The following MYT1 variants were observed in gnomAD, a reference collection of about 807,000 sequenced individuals.
MYT1 encodes the protein myelin transcription factor 1, also known as myelin transcription factor I.
MYT1 carries 23 observed loss-of-function variants against 123.0 expected under a neutral mutation model. The ratio of observed to expected loss-of-function variants is 0.19; its 90% confidence interval spans 0.13 to 0.26. MYT1 has a LOEUF of 0.26. Among genes scored for constraint, MYT1 ranks in the 10% least tolerant of loss-of-function variants. The probability of loss-of-function intolerance (pLI) is 1.00; values close to 1 mark genes in which losing one functional copy is unlikely to be tolerated. For synonymous variants in MYT1, 518 were observed against 575.3 expected (o/e 0.90, Z 1.43); for missense variants, 1,125 against 1,472.5 (o/e 0.76, Z 3.86).
rs544690853 is a variant in MYT1 at position 64,217,302 on chromosome 20, C to G, written c.1846+21C>G. On this transcript the variant is annotated intron_variant, in intron 11 of 22. Transcript: ENST00000328439. Reference sequence around the variant, plus strand: ...TCAATGTAAGTTGGGGAGAATTGTTCTTGTTTCTCTTCTGTGTTGCTCCTG... The same window carrying G: ...TCAATGTAAGTTGGGGAGAATTGTTGTTGTTTCTCTTCTGTGTTGCTCCTG... 7.4e-6 allele frequency: 12 copies of G among 1,612,314 alleles called. No homozygotes were observed. In the East Asian group the frequency reaches 2.7e-4, roughly 36 times the overall value.
chr20:64,207,546 T>C (rs762650002), intron 6 of MYT1, 48 bp from the exon 7 acceptor site: 1 of 1,572,986 alleles, frequency 6.4e-7, no homozygotes, highest in South Asian at 1.2e-5. Flanking sequence ...AGACCTGGAG[T>C]CTTCCCACGT....
chr20:64,180,057 TAC>T (rs67948728), intron 1 of MYT1, among the ~76,000 whole-genome samples: 2 of 150,756 alleles, frequency 1.3e-5, no homozygotes, highest in Admixed American at 6.6e-5. Flanking sequence ...CACACACAGT[TAC>T]ACACCACACG....
At position 64,208,623 on chromosome 20, in the gene MYT1, G is replaced by C; in HGVS notation, c.1291+136G>C. The stretch of plus-strand genomic sequence containing the variant: ...AAAGCAGACAAAAGGACAAATACAT[G>C]ACACAGACTGTGGTCAGATACTGAG... On this transcript the variant is annotated intron_variant, in intron 7 of 22. Transcript: ENST00000328439. The surrounding 1 kb of genome is among the most constrained non-coding windows in gnomAD (Gnocchi z 5.4). 1 of 1,388,084 alleles carries C rather than the reference G, an allele frequency of 7.2e-7. No homozygotes were observed. Among genetic ancestry groups the C allele is most frequent in the Non-Finnish European group, 9.5e-7 (1 of 1,052,518 alleles). The allele number at this position is 1,388,084 out of a possible 1,614,324, so 86.0% of individuals were successfully genotyped here. A position where few individuals can be genotyped will look rare whatever the true frequency, so the allele number is the denominator to read the frequency against.
chr20:64,171,339 G>T (rs1399677753), intron 1 of MYT1, among the ~76,000 whole-genome samples: 1 of 152,128 alleles, frequency 6.6e-6, no homozygotes, highest in Non-Finnish European at 1.5e-5. Flanking sequence ...GAAAACAAAG[G>T]GATTTGTTAC....
chr20:64,207,512 G>T, intron 6 of MYT1, 82 bp from the exon 7 acceptor site: 6 of 1,544,234 alleles, frequency 3.9e-6, no homozygotes, highest in Middle Eastern at 1.8e-4. Context: ...CAGGTGGAGG[G>T]GTGGTGGGTG....
rs527317085 is a variant in MYT1 at position 64,206,306 on chromosome 20, G to C, written c.397+506G>C. On this transcript the variant is annotated intron_variant, in intron 6 of 22. Coordinates refer to ENST00000328439, the MANE Select transcript of MYT1 (RefSeq NM_004535.3). ...GCTTCAGGTGATTGAGGACCAGATG[G>C]AGCCTCTGAAGACGGGGTGCCCGGG... is the stretch of plus-strand genomic sequence containing the variant. Among the ~76,000 whole-genome samples, 5 of 152,302 alleles carry C rather than the reference G, an allele frequency of 3.3e-5. No individual in the cohort carries two copies. In the East Asian group the frequency reaches 9.6e-4, roughly 29 times the overall value.
At chr20:64,205,904 C>G (rs1488903403) in intron 6 of MYT1, 104 bp downstream of exon 6, 1 of 1,516,290 alleles carries the variant, frequency 6.6e-7, no homozygotes, top group South Asian at 1.3e-5. Context: ...AGAGAAAGCC[C>G]TTCCTGAGAA....
chr20:64,226,442 G>T (rs546791584), intron 16 of MYT1, among the ~76,000 whole-genome samples: 3 of 152,356 alleles, frequency 2.0e-5, no homozygotes, highest in African/African-American at 7.2e-5. Context: ...CATGGAAAGT[G>T]AGACGTCCTC....
chr20:64,213,801 C>T lies in MYT1; in HGVS notation c.1631+154C>T, dbSNP rs1403226335. Reference sequence around the variant, plus strand: ...TACGTGCATGTGAGTGTGCACATGCCCCGGGCCCCCCAGGAGCAGAACTGC... The same window carrying T: ...TACGTGCATGTGAGTGTGCACATGCTCCGGGCCCCCCAGGAGCAGAACTGC... On this transcript the variant is annotated intron_variant, in intron 10 of 22. Coordinates refer to ENST00000328439, the MANE Select transcript of MYT1 (RefSeq NM_004535.3). The surrounding 1 kb of genome is among the most constrained non-coding windows in gnomAD (Gnocchi z 5.6). Among the ~76,000 whole-genome samples, 3 of 151,840 alleles carry T rather than the reference C, an allele frequency of 2.0e-5. No homozygotes were observed. The highest frequency in any genetic ancestry group is 7.2e-5 in the African/African-American group (3 of 41,408).
Position 64,232,283 on chromosome 20 carries a change from C to T in MYT1, c.2795C>T (p.Ser932Leu), listed in dbSNP as rs367957600. ...CAGAAGGAAGGGTCCCTCAATGGCT[C>T]GTCATTCTCCTGGAAGTCCCTGAAG... The part of the protein sequence containing the change: ...RRQKEGSLNG[S>L]SFSWKSLKNE... The change falls in exon 19 of 23, where the codon TCG (serine) becomes TTG (leucine). Residue 932 changes from serine to leucine, a missense_variant. This residue lies in a region of MYT1 where 243 missense variants were observed against 323.1 expected (regional missense o/e 0.75). Transcript: ENST00000328439. The surrounding 1 kb of genome is among the most constrained non-coding windows in gnomAD (Gnocchi z 6.9). The T allele has an allele frequency of 1.1e-5, 17 of 1,612,980 alleles. No individual in the cohort carries two copies. Among genetic ancestry groups the T allele is most frequent in the Middle Eastern group, 3.3e-4 (2 of 6,084 alleles).
rs1453707634 is a variant in MYT1, at chr20:64,191,198, G to A, written c.-1+1038G>A. Reference sequence around the variant, plus strand: ...AAGTCTGTTGGCCTTGTTTTATTTCGATCTTCCTAAGGGGAGGCAGATGGT... The same window carrying A: ...AAGTCTGTTGGCCTTGTTTTATTTCAATCTTCCTAAGGGGAGGCAGATGGT... On this transcript the variant is annotated intron_variant, in intron 2 of 22. Transcript: ENST00000328439. This position sits in a 1 kb window ranked among gnomAD's most constrained non-coding sequence, Gnocchi z 4.1. Among the ~76,000 whole-genome samples the A allele has an allele frequency of 2.0e-5, 3 of 152,124 alleles. No individual in the cohort carries two copies. The highest frequency in any genetic ancestry group is 2.9e-5 in the Non-Finnish European group (2 of 68,020).
chr20:64,178,089 C>A (rs1235384574), intron 1 of MYT1, among the ~76,000 whole-genome samples: 1 of 152,206 alleles, frequency 6.6e-6, no homozygotes, highest in Non-Finnish European at 1.5e-5. Flanking sequence ...CCTCCTTGGT[C>A]CCAGCTTCTC....
At chr20:64,235,955 T>TGGTGGGTGACCCTGGGATGGCCGC (rs1188319481) in intron 19 of MYT1, among the ~76,000 whole-genome samples, 1 of 114,368 alleles carries the variant, frequency 8.7e-6, no homozygotes, top group Non-Finnish European at 1.8e-5. Context: ...GGGCTGGACG[T>TGGTGGGTGACCCTGGGATGGCCGC]GGTGGGTGAC....
intron 16 of MYT1, among the ~76,000 whole-genome samples, chr20:64,224,203 C>G (rs1984098995): frequency 6.6e-6 from 1 of 152,212 alleles, no homozygotes; most frequent in Non-Finnish European, 1.5e-5. Context: ...CCATTCTTGT[C>G]TCCTCAGGTC....
chr20:64,221,310 G>A (rs557688584), intron 13 of MYT1, among the ~76,000 whole-genome samples: 1 of 152,130 alleles, frequency 6.6e-6, no homozygotes, highest in African/African-American at 2.4e-5. Flanking sequence ...GAGGGACTAC[G>A]CCCTGCTTAT....
At chr20:64,173,440 T>A (rs1982349631) in intron 1 of MYT1, among the ~76,000 whole-genome samples, 1 of 150,896 alleles carries the variant, frequency 6.6e-6, no homozygotes, top group South Asian at 2.1e-4. Flanking sequence ...CCAGTGCCTG[T>A]AGTTGTGTCC....
rs575323647 is a variant in MYT1 at position 64,193,240 on chromosome 20, C to T, written c.-1+3080C>T. 6.6e-6 allele frequency among the ~76,000 whole-genome samples: 1 copy of T among 152,116 alleles called. No homozygotes were observed. The highest frequency in any genetic ancestry group is 1.9e-4 in the East Asian group (1 of 5,188). On this transcript the variant is annotated intron_variant, in intron 2 of 22. Coordinates refer to ENST00000328439, the MANE Select transcript of MYT1 (RefSeq NM_004535.3). This position sits in a 1 kb window ranked among gnomAD's most constrained non-coding sequence, Gnocchi z 4.0. ...TCAGGGGTGAGGGCATATGGTTTAGCCTCAGAGATCAAGAGAGTGGAAAGC... is the reference window on the plus strand; with the variant it reads ...TCAGGGGTGAGGGCATATGGTTTAGTCTCAGAGATCAAGAGAGTGGAAAGC...
In MYT1 at chr20:64,168,062, G is replaced by A. The variant is rs1014951249; in HGVS notation, c.-99+3323G>A. On this transcript the variant is annotated intron_variant, in intron 1 of 22. Coordinates refer to ENST00000328439, the MANE Select transcript of MYT1 (RefSeq NM_004535.3). The surrounding 1 kb of genome is among the most constrained non-coding windows in gnomAD (Gnocchi z 6.1). The stretch of plus-strand genomic sequence containing the variant: ...AGCCCGGAGTGTCTGCTGGAGGCCT[G>A]GGGGGTGGAATGTGCTTTCACGGCC... 6.6e-6 allele frequency among the ~76,000 whole-genome samples: 1 copy of A among 152,200 alleles called. No individual in the cohort carries two copies. The highest frequency in any genetic ancestry group is 1.5e-5 in the Non-Finnish European group (1 of 68,038).
chr20:64,202,067 CCT>C lies in MYT1; in HGVS notation c.86+2146_86+2147del, dbSNP rs1491126058. 7.5e-4 allele frequency among the ~76,000 whole-genome samples: 114 copies of C among 151,592 alleles called. 1 individual carries two copies. The highest frequency in any genetic ancestry group is 2.7e-3 in the African/African-American group (111 of 41,260). On this transcript the variant is annotated intron_variant, in intron 4 of 22. Coordinates refer to ENST00000328439, the MANE Select transcript of MYT1 (RefSeq NM_004535.3). This position sits in a 1 kb window ranked among gnomAD's most constrained non-coding sequence, Gnocchi z 5.0. Reference sequence around the variant, plus strand: ...CGGGAACCTCTGCGTGTCGGGAACCCCTGTGTGCAGGACTTTCTCTGTGGATG... The same window carrying C: ...CGGGAACCTCTGCGTGTCGGGAACCCGTGTGCAGGACTTTCTCTGTGGATG...
Sources: gnomAD v4.1 joint callset for allele counts (sites outside exome capture counted in the v4.1 genomes callset) on GRCh38, gnomAD v4.1.1 for gene constraint, gnomAD v4.1.1 regional missense constraint, Gnocchi (gnomAD v3.1) non-coding constraint, MANE v1.5 for transcripts, NCBI Gene and HGNC (gene_info 2026-07-23, HGNC 2026-07-21) for gene names.